DYNC2H1: variants seen among roughly 807,000 people sequenced by gnomAD.
DYNC2H1 encodes the protein dynein cytoplasmic 2 heavy chain 1, also known as cytoplasmic dynein 2 heavy chain 1.
In DYNC2H1, 410 loss-of-function variants were observed where a neutral mutation model predicts 570.0. The ratio of observed to expected loss-of-function variants is 0.72; its 90% CI spans 0.66 to 0.78. The LOEUF (loss-of-function observed/expected upper bound fraction) is 0.78, where lower values mean the gene tolerates loss of function less well. Ranked by LOEUF, DYNC2H1 falls within the 30% of genes least tolerant of loss-of-function variation. DYNC2H1 has a pLI of 0.00. For missense variants in DYNC2H1, 4,865 were observed against 5,046.4 expected (o/e 0.96, Z 1.09); for synonymous variants, 1,688 against 1,677.6 (o/e 1.01, Z -0.15).
rs897000880 is a variant in DYNC2H1, at chr11:103,157,170, C to T, written c.4127+400C>T. The stretch of plus-strand genomic sequence containing the variant: ...CTCTCTTGGTTTTCTGACTGTCTCT[C>T]TAGTTCAACACATAGTTCCTAGTCC... On this transcript the variant is annotated intron_variant, in intron 26 of 88. Coordinates refer to ENST00000375735, the MANE Select transcript of DYNC2H1 (RefSeq NM_001377.3). The surrounding 1 kb of genome is among the most constrained non-coding windows in gnomAD (Gnocchi z 4.2). Among the ~76,000 whole-genome samples, 6 of 152,308 alleles carry T rather than the reference C, an allele frequency of 3.9e-5. No individual in the cohort carries two copies.
intron 83 of DYNC2H1, among the ~76,000 whole-genome samples, chr11:103,389,567 C>A (rs1942042647): frequency 6.6e-6 from 1 of 152,072 alleles, no homozygotes; most frequent in Non-Finnish European, 1.5e-5. Context: ...TCTTGCTTCT[C>A]TAGTTTTTTA....
At chr11:103,196,543 A>G (rs1051209001) in intron 47 of DYNC2H1, among the ~76,000 whole-genome samples, 1 of 152,196 alleles carries the variant, frequency 6.6e-6, no homozygotes. Flanking sequence ...CCTAAAGATA[A>G]GTAGTAGGTG....
At chr11:103,130,239 G>T (rs1352823392) in intron 13 of DYNC2H1, among the ~76,000 whole-genome samples, 1 of 152,098 alleles carries the variant, frequency 6.6e-6, no homozygotes, top group Non-Finnish European at 1.5e-5. Flanking sequence ...CAGAAGGAAA[G>T]CAAATATTCA....
intron 70 of DYNC2H1, among the ~76,000 whole-genome samples, chr11:103,270,478 A>G (rs1374594034): frequency 6.6e-6 from 1 of 152,218 alleles, no homozygotes; most frequent in Non-Finnish European, 1.5e-5. Flanking sequence ...TAATAGTAAA[A>G]TAGAACAATT....
At chr11:103,255,003 C>T (rs1397854763) in intron 66 of DYNC2H1, among the ~76,000 whole-genome samples, 1 of 151,914 alleles carries the variant, frequency 6.6e-6, no homozygotes, top group East Asian at 1.9e-4. Flanking sequence ...GAACTCCTTA[C>T]CTCGTGATCC....
chr11:103,225,338 T>C (rs565589440), intron 59 of DYNC2H1, among the ~76,000 whole-genome samples: 2 of 152,294 alleles, frequency 1.3e-5, no homozygotes, highest in African/African-American at 2.4e-5. Context: ...AGCCAATGTC[T>C]ATAAGGGTAT....
chr11:103,177,266 T>C lies in DYNC2H1; in HGVS notation c.5875-290T>C, dbSNP rs1407236980. Among the ~76,000 whole-genome samples, 1 of 152,166 alleles carries C rather than the reference T, an allele frequency of 6.6e-6. No individual in the cohort carries two copies. Among genetic ancestry groups the C allele is most frequent in the Non-Finnish European group, 1.5e-5 (1 of 68,032 alleles). ...GAATAAAATAATGAATATATTTGAA[T>C]GAGTGAATGAGTGGAGCAAGTAACG... On this transcript the variant is annotated intron_variant, in intron 37 of 88. Coordinates refer to ENST00000375735, the MANE Select transcript of DYNC2H1 (RefSeq NM_001377.3). The surrounding 1 kb of genome is among the most constrained non-coding windows in gnomAD (Gnocchi z 4.4).
intron 84 of DYNC2H1, among the ~76,000 whole-genome samples, chr11:103,423,090 C>T (rs751748533): frequency 1.8e-4 from 27 of 151,904 alleles, no homozygotes; most frequent in Non-Finnish European, 1.8e-4. Flanking sequence ...AGGTCTTACA[C>T]TTTGTGATTT....
chr11:103,432,151 T>C (rs563780076), intron 84 of DYNC2H1, among the ~76,000 whole-genome samples: 2 of 152,250 alleles, frequency 1.3e-5, no homozygotes, highest in South Asian at 2.1e-4. Flanking sequence ...CTGGTTGTCA[T>C]ATAAAATCCA....
At chr11:103,269,916 T>C (rs1218460057) in intron 70 of DYNC2H1, among the ~76,000 whole-genome samples, 1 of 152,038 alleles carries the variant, frequency 6.6e-6, no homozygotes, top group Non-Finnish European at 1.5e-5. Flanking sequence ...TGGTTGGAGC[T>C]GGGTGCGGTG....
chr11:103,469,222 G>T (rs12285461), intron 88 of DYNC2H1, among the ~76,000 whole-genome samples: 4 of 152,182 alleles, frequency 2.6e-5, no homozygotes, highest in African/African-American at 9.7e-5. Flanking sequence ...GCAGCTGATA[G>T]GTGGATGAAG....
intron 78 of DYNC2H1, 21 bp from the exon 79 acceptor site, chr11:103,311,857 G>A (rs1867602546): frequency 6.3e-7 from 1 of 1,591,826 alleles, no homozygotes; most frequent in Non-Finnish European, 8.5e-7. Context: ...GCAATAGGAT[G>A]TCTGTTGATT....
At chr11:103,123,843 C>G (rs1858849574) in intron 11 of DYNC2H1, among the ~76,000 whole-genome samples, 1 of 151,316 alleles carries the variant, frequency 6.6e-6, no homozygotes, top group African/African-American at 2.4e-5. Context: ...TTTTTTAGAC[C>G]CATTTTTTGT....
intron 47 of DYNC2H1, among the ~76,000 whole-genome samples, chr11:103,193,442 A>G (rs1406981812): frequency 6.6e-6 from 1 of 152,088 alleles, no homozygotes; most frequent in African/African-American, 2.4e-5. Context: ...AGAGTTTGGT[A>G]TCTTTCACAG....
At chr11:103,161,785 C>T (rs1475495074) in intron 29 of DYNC2H1, among the ~76,000 whole-genome samples, 1 of 152,098 alleles carries the variant, frequency 6.6e-6, no homozygotes, top group East Asian at 1.9e-4. Flanking sequence ...ACTGGTTCTG[C>T]AGGACTGGAA....
At chr11:103,374,672 C>T (rs1941318628) in intron 83 of DYNC2H1, among the ~76,000 whole-genome samples, 1 of 152,286 alleles carries the variant, frequency 6.6e-6, no homozygotes, top group South Asian at 2.1e-4. Context: ...AAGTAAAGGT[C>T]ACTCTGGCTA....
intron 80 of DYNC2H1, among the ~76,000 whole-genome samples, chr11:103,318,349 C>T (rs1937980980): frequency 6.6e-6 from 1 of 152,120 alleles, no homozygotes; most frequent in African/African-American, 2.4e-5. Context: ...ACACCAGACA[C>T]CTAACTATAT....
Position 103,280,351 on chromosome 11 carries a change from G to T in DYNC2H1, c.10699G>T (p.Asp3567Tyr). 6.4e-7 allele frequency: 1 copy of T among 1,554,424 alleles called. No individual in the cohort carries two copies. The highest frequency in any genetic ancestry group is 1.2e-5 in the South Asian group (1 of 84,292). Residue 3567 changes from aspartate to tyrosine, a missense_variant, in exon 71 of 89, where the codon GAT becomes TAT. Transcript: ENST00000375735. The surrounding 1 kb of genome is among the most constrained non-coding windows in gnomAD (Gnocchi z 4.7). ...EYICRCLFKA[D>Y]QLMFALHFVR... ...TAATATCTGTTATTCTTTGCAGGCTGATCAGTTGATGTTCGCTTTGCATTT... is the reference window on the plus strand; with the variant it reads ...TAATATCTGTTATTCTTTGCAGGCTTATCAGTTGATGTTCGCTTTGCATTT...
intron 82 of DYNC2H1, among the ~76,000 whole-genome samples, chr11:103,357,864 C>A (rs763435680): frequency 1.3e-5 from 2 of 152,132 alleles, no homozygotes; most frequent in African/African-American, 2.4e-5. Context: ...ATGGGAGGAT[C>A]GCTTGAGCCC....
Sources: allele counts gnomAD v4.1 joint callset (sites outside exome capture counted in the v4.1 genomes callset), GRCh38; gene constraint gnomAD v4.1.1; non-coding constraint Gnocchi (gnomAD v3.1); transcripts MANE v1.5; gene names NCBI Gene and HGNC (gene_info 2026-07-23, HGNC 2026-07-21).